The following MYH13 variants were observed in gnomAD, a reference collection of about 807,000 sequenced individuals.
MYH13 encodes the protein myosin heavy chain 13, also known as myosin-13.
A neutral mutation model predicts 232.1 loss-of-function variants in MYH13; 177 were observed. The observed-to-expected ratio is 0.76, with a 90% CI of 0.67 to 0.86. The LOEUF (loss-of-function observed/expected upper bound fraction) is 0.86, where lower values mean the gene tolerates loss of function less well. Among genes scored for constraint, MYH13 ranks in the 40% least tolerant of loss-of-function variants. The probability of loss-of-function intolerance (pLI) is 0.00; values close to 1 mark genes in which losing one functional copy is unlikely to be tolerated. For missense variants in MYH13, 2,246 were observed against 2,405.9 expected, an observed-to-expected ratio of 0.93 and a Z score of 1.39; for synonymous variants, 884 against 923.5, an observed-to-expected ratio of 0.96 and a Z score of 0.78.
intron 16 of MYH13, among the ~76,000 whole-genome samples, chr17:10,342,677 T>TGAGA (rs61663649): frequency 0.78 from 117,938 of 151,624 alleles, 46,370 homozygotes; most frequent in East Asian, 0.88. Context: ...AACAGTAACC[T>TGAGA]GAAAGAAGCC....
At position 10,345,578 on chromosome 17, in the gene MYH13, G is replaced by A. The variant is rs758813016; in HGVS notation, c.1302C>T (p.Tyr434=). 31 of 1,614,154 alleles carry A rather than the reference G, an allele frequency of 1.9e-5. No homozygotes were observed. Among genetic ancestry groups the A allele is most frequent in the African/African-American group, 8.0e-5 (6 of 75,038 alleles). The change falls in exon 14 of 41, where the codon TAC becomes TAT. Residue 434 remains tyrosine, a synonymous_variant. Coordinates refer to ENST00000252172, the MANE Select transcript of MYH13 (RefSeq NM_003802.3). ...TGACCATCCACAGGAACATCTTCTCGTAGACGGCTTTGGCCAGAGCACCCA... is the reference window on the plus strand; with the variant it reads ...TGACCATCCACAGGAACATCTTCTCATAGACGGCTTTGGCCAGAGCACCCA... The part of the protein sequence containing the change: ...NSVGALAKAV[Y]EKMFLWMVTR...
At chr17:10,319,358 A>C (rs1474587395) in intron 26 of MYH13, among the ~76,000 whole-genome samples, 179 bp from the exon 27 acceptor site, 1 of 151,820 alleles carries the variant, frequency 6.6e-6, no homozygotes, top group African/African-American at 2.4e-5. Context: ...AAAATACAAA[A>C]ATTAGCCGGG....
intron 30 of MYH13, 32 bp from the exon 31 acceptor site, chr17:10,312,789 G>T (rs765238404): frequency 4.4e-6 from 7 of 1,586,730 alleles, no homozygotes; most frequent in Non-Finnish European, 6.0e-6. Context: ...TTTCCCCTTC[G>T]CAAAGGTGGA....
chr17:10,314,933 A>T (rs759606949), intron 29 of MYH13, among the ~76,000 whole-genome samples: 1 of 152,250 alleles, frequency 6.6e-6, no homozygotes, highest in African/African-American at 2.4e-5. Context: ...GTTCATGTTT[A>T]TGCGACTGTC....
chr17:10,320,270 G>A lies in MYH13; in HGVS notation c.3258-27C>T, dbSNP rs748593394. The A allele has an allele frequency of 6.2e-5, 98 of 1,590,240 alleles. 2 individuals carry two copies. In the African/African-American group the frequency reaches 1.1e-3, roughly 18 times the overall value. On this transcript the variant is annotated intron_variant, in intron 25 of 40. Coordinates refer to ENST00000252172, the MANE Select transcript of MYH13 (RefSeq NM_003802.3). ...TGCAAATAGATTAAAAAAAAATAAAGAACATGAAATACAAGCCTCTTGGAG... is the reference window on the plus strand; with the variant it reads ...TGCAAATAGATTAAAAAAAAATAAAAAACATGAAATACAAGCCTCTTGGAG...
In MYH13 at chr17:10,311,095, A is replaced by T. The variant is rs757978683; in HGVS notation, c.4656+8T>A. On this transcript the variant is annotated splice_region_variant and intron_variant, in intron 33 of 40. Transcript: ENST00000252172. The stretch of plus-strand genomic sequence containing the variant: ...TGAATTTCTGAATGTCATATCCTAG[A>T]CACTTACCTCCACTTCTTCTAAGGC... 1 of 1,613,822 alleles carries T rather than the reference A, an allele frequency of 6.2e-7. No homozygotes were observed. The highest frequency in any genetic ancestry group is 8.5e-7 in the Non-Finnish European group (1 of 1,179,824).
Position 10,354,660 on chromosome 17 carries a change from C to A in MYH13, c.1005+20G>T, listed in dbSNP as rs748553178. ...CTCAATAATTCTGTGCATAAACAGA[C>A]AAATAAATGGCATGCTTACATCTGT... On this transcript the variant is annotated intron_variant, in intron 11 of 40. Transcript: ENST00000252172. The A allele has an allele frequency of 1.9e-6, 3 of 1,598,996 alleles. No homozygotes were observed. The Admixed American group carries it at 5.0e-5, about 27-fold the overall frequency.
At chr17:10,335,006 A>G (rs191748406) in intron 18 of MYH13, among the ~76,000 whole-genome samples, 148 of 152,344 alleles carry the variant, frequency 9.7e-4, no homozygotes, top group Non-Finnish European at 1.7e-3. Context: ...AGTGGTTAAG[A>G]TCCCAGCTAT....
chr17:10,307,507 C>A (rs916360423), intron 35 of MYH13, among the ~76,000 whole-genome samples: 3 of 151,542 alleles, frequency 2.0e-5, no homozygotes, highest in African/African-American at 7.3e-5. Flanking sequence ...ACAAATAAGG[C>A]AAATCAATTA....
At position 10,355,081 on chromosome 17, in the gene MYH13, C is replaced by A. The variant is rs374778991; in HGVS notation, c.802+3G>T. ...AACGGATTTATAGAGTGTTTGGACT[C>A]ACAAGTTTCGATGTCTGCCGATGCC... On this transcript the variant is annotated splice_donor_region_variant and intron_variant, in intron 9 of 40. Coordinates refer to ENST00000252172, the MANE Select transcript of MYH13 (RefSeq NM_003802.3). The A allele has an allele frequency of 5.0e-5, 80 of 1,603,438 alleles. No homozygotes were observed. Among genetic ancestry groups the A allele is most frequent in the Non-Finnish European group, 6.2e-5 (73 of 1,174,350 alleles).
chr17:10,355,828 C>CTTTTTTTTTTTTTTTTTTTT (rs61338527), intron 8 of MYH13, among the ~76,000 whole-genome samples: 9 of 66,812 alleles, frequency 1.3e-4, no homozygotes, highest in Admixed American at 2.0e-4. Flanking sequence ...TTCTGTCTGA[C>CTTTTTTTTTTTTTTTTTTTT]TTTTTTTTTT....
chr17:10,305,209 G>T (rs892548782), intron 37 of MYH13, among the ~76,000 whole-genome samples: 9 of 152,298 alleles, frequency 5.9e-5, no homozygotes, highest in South Asian at 2.1e-4. Flanking sequence ...CACCATGGGA[G>T]GGGGAGGGTG....
intron 32 of MYH13, among the ~76,000 whole-genome samples, chr17:10,311,591 A>C (rs536030135): frequency 8.5e-5 from 13 of 152,356 alleles, no homozygotes; most frequent in Admixed American, 2.6e-4. Context: ...CAGAAATCTG[A>C]GGTCCTAAGG....
intron 12 of MYH13, among the ~76,000 whole-genome samples, chr17:10,349,441 A>G (rs192788703): frequency 2.0e-5 from 3 of 150,834 alleles, no homozygotes; most frequent in Non-Finnish European, 3.0e-5. Flanking sequence ...CTCTCCCCCA[A>G]TTTTTCAGAA....
intron 15 of MYH13, 44 bp downstream of exon 15, chr17:10,345,158 C>T (rs1265642414): frequency 1.9e-6 from 3 of 1,613,640 alleles, no homozygotes; most frequent in Non-Finnish European, 2.5e-6. Context: ...AAGGGGAGGG[C>T]CCCCAATAAG....
rs1481395795 is a variant in MYH13 at position 10,351,894 on chromosome 17, A to G, written c.1006-1200T>C. The stretch of plus-strand genomic sequence containing the variant: ...TGGACGTGTTTGGTGAGCACGTAGG[A>G]TAGACCCAATAGGCCAACACCAGCA... On this transcript the variant is annotated intron_variant, in intron 11 of 40. Coordinates refer to ENST00000252172, the MANE Select transcript of MYH13 (RefSeq NM_003802.3). Among the ~76,000 whole-genome samples the G allele has an allele frequency of 3.3e-5, 5 of 152,198 alleles. No individual in the cohort carries two copies. In the East Asian group the frequency reaches 9.6e-4, roughly 29 times the overall value.
rs376155718 is a variant in MYH13, at chr17:10,319,056, T to A, written c.3472A>T (p.Ser1158Cys). The change falls in exon 27 of 41, where the codon AGT becomes TGT. Residue 1158 changes from serine (S) to cysteine (C), a missense_variant. By Grantham distance (112) the Ser-to-Cys change is moderately radical. Transcript: ENST00000252172. ...TCAATCTGGGCTGAAGTGGCCCCAC[T>A]GGCTTCTTCCAGCCTCTCGCTGATC... ...EEISERLEEA[S>C]GATSAQIEMN... 5.6e-6 allele frequency: 9 copies of A among 1,614,180 alleles called. No individual in the cohort carries two copies. In the African/African-American group the frequency reaches 1.2e-4, roughly 22 times the overall value.
chr17:10,330,372 G>A lies in MYH13; in HGVS notation c.2435+15C>T, dbSNP rs1406732925. The A allele has an allele frequency of 3.1e-6, 5 of 1,613,390 alleles. No homozygotes were observed. The highest frequency in any genetic ancestry group is 4.2e-6 in the Non-Finnish European group (5 of 1,179,660). ...AGAGAGGGCAGGATAAGGTGGAGGT[G>A]AGGGTCTGTGTCACCTCCTCTCCAT... is the stretch of plus-strand genomic sequence containing the variant. On this transcript the variant is annotated intron_variant, in intron 21 of 40. Coordinates refer to ENST00000252172, the MANE Select transcript of MYH13 (RefSeq NM_003802.3).
In MYH13 at chr17:10,301,626, G is replaced by A. The variant is rs1264834193; in HGVS notation, c.5745C>T (p.Asp1915=). The change falls in exon 40 of 41, where the codon GAC becomes GAT. Residue 1915 remains aspartate (D), a synonymous_variant. Coordinates refer to ENST00000252172, the MANE Select transcript of MYH13 (RefSeq NM_003802.3). ...GCTTGTTGACCTGGGACTCAGCGAT[G>A]TCCGCCCTCTCCGCGGCCTCCTCTA... ...HELEEAAERA[D]IAESQVNKLR... is the part of the protein sequence containing the mutation. The A allele has an allele frequency of 6.2e-7, 1 of 1,614,198 alleles. No individual in the cohort carries two copies.
Sources: allele counts gnomAD v4.1 joint callset (sites outside exome capture counted in the v4.1 genomes callset), GRCh38; gene constraint gnomAD v4.1.1; transcripts MANE v1.5; gene names NCBI Gene and HGNC (gene_info 2026-07-23, HGNC 2026-07-21).